Variants in COL23A1 observed in about 807,000 individuals in gnomAD.
COL23A1 encodes the protein collagen alpha-1(XXIII) chain.
COL23A1 carries 97 observed loss-of-function variants against 99.3 expected under a neutral mutation model. The ratio of observed to expected loss-of-function variants is 0.98; its 90% confidence interval spans 0.83 to 1.16. The LOEUF is 1.16. COL23A1 is among the 50% of genes most tolerant of loss of function. The pLI, the probability that COL23A1 is intolerant of heterozygous loss-of-function variation, is 0.00. For missense variants in COL23A1, 762 were observed against 757.4 expected (o/e 1.01, Z -0.07); for synonymous variants, 320 against 308.2 (o/e 1.04, Z -0.40).
intron 2 of COL23A1, among the ~76,000 whole-genome samples, chr5:178,481,131 C>CAAAAA (rs10625763): frequency 7.6e-4 from 78 of 102,050 alleles, no homozygotes; most frequent in Middle Eastern, 5.3e-3. Context: ...GACTGTCTCT[C>CAAAAA]AAAAAAAAAA....
rs1384408301 is a variant in COL23A1, at chr5:178,468,115, T to TG, written c.361+92566dup. ...GAGTGGTTTCCATAGCTGGAAAAGA[T>TG]GGTGAGAAATCTGAGTGCCAGAAAG... On this transcript the variant is annotated intron_variant, in intron 2 of 28. Coordinates refer to ENST00000390654, the MANE Select transcript of COL23A1 (RefSeq NM_173465.4). This position sits in a 1 kb window ranked among gnomAD's most constrained non-coding sequence, Gnocchi z 4.2. 6.6e-6 allele frequency among the ~76,000 whole-genome samples: 1 copy of TG among 152,070 alleles called. No individual in the cohort carries two copies. The highest frequency in any genetic ancestry group is 6.5e-5 in the Admixed American group (1 of 15,276).
At chr5:178,323,285 C>T (rs1759449136) in intron 2 of COL23A1, among the ~76,000 whole-genome samples, 1 of 152,162 alleles carries the variant, frequency 6.6e-6, no homozygotes, top group Admixed American at 6.5e-5. Flanking sequence ...TGGTCCTGAG[C>T]TCTTGCCCTT....
intron 2 of COL23A1, among the ~76,000 whole-genome samples, chr5:178,517,802 C>T (rs1196403050): frequency 3.1e-4 from 46 of 149,962 alleles, no homozygotes; most frequent in East Asian, 2.0e-4. Context: ...CCTCGTGATC[C>T]GCCCGCCTCA....
At position 178,468,514 on chromosome 5, in the gene COL23A1, C is replaced by T. The variant is rs1455872370; in HGVS notation, c.361+92168G>A. On this transcript the variant is annotated intron_variant, in intron 2 of 28. Transcript: ENST00000390654. This position sits in a 1 kb window ranked among gnomAD's most constrained non-coding sequence, Gnocchi z 4.2. The stretch of plus-strand genomic sequence containing the variant: ...TTATTTCGTTTCATCCTCACCCTGC[C>T]TCCCTCATCTGCTCACACCCAGGCC... 1.3e-5 allele frequency among the ~76,000 whole-genome samples: 2 copies of T among 152,130 alleles called. No individual in the cohort carries two copies. Among genetic ancestry groups the T allele is most frequent in the African/African-American group, 4.8e-5 (2 of 41,432 alleles).
chr5:178,435,971 G>A (rs981998653), intron 2 of COL23A1, among the ~76,000 whole-genome samples: 2 of 152,178 alleles, frequency 1.3e-5, no homozygotes, highest in Non-Finnish European at 2.9e-5. Context: ...GCCACACAGC[G>A]GTCATTACAA....
At chr5:178,266,215 A>G (rs1755887898) in intron 8 of COL23A1, among the ~76,000 whole-genome samples, 1 of 151,880 alleles carries the variant, frequency 6.6e-6, no homozygotes. Context: ...TAATTTTTGT[A>G]TTTTTAGTAG....
intron 14 of COL23A1, 52 bp downstream of exon 14, chr5:178,256,814 T>G: frequency 6.4e-7 from 1 of 1,553,864 alleles, no homozygotes; most frequent in Non-Finnish European, 8.8e-7. Context: ...CCCGACTGGG[T>G]GGAGGTCTGA....
chr5:178,580,309 C>G (rs1045768474), intron 1 of COL23A1, among the ~76,000 whole-genome samples: 2 of 149,104 alleles, frequency 1.3e-5, no homozygotes, highest in Non-Finnish European at 3.0e-5. Context: ...GCCTGGGCAA[C>G]AGACTGAGAC....
At chr5:178,321,824 G>A (rs985371728) in intron 2 of COL23A1, among the ~76,000 whole-genome samples, 3 of 149,920 alleles carry the variant, frequency 2.0e-5, no homozygotes, top group African/African-American at 7.4e-5. Context: ...ATCATACTCT[G>A]TTGCATGGAT....
chr5:178,315,372 G>A (rs963475631), intron 2 of COL23A1, among the ~76,000 whole-genome samples: 1 of 152,138 alleles, frequency 6.6e-6, no homozygotes, highest in Non-Finnish European at 1.5e-5. Context: ...CACGTGCTGG[G>A]GGCTTTTACC....
chr5:178,494,579 G>A (rs1406092660), intron 2 of COL23A1, among the ~76,000 whole-genome samples: 2 of 152,190 alleles, frequency 1.3e-5, no homozygotes, highest in East Asian at 3.9e-4. Flanking sequence ...GGAGGCTGAG[G>A]CAGAAGAATC....
intron 6 of COL23A1, among the ~76,000 whole-genome samples, chr5:178,269,745 C>T (rs1465832148): frequency 1.3e-5 from 2 of 150,670 alleles, no homozygotes; most frequent in Non-Finnish European, 3.0e-5. Context: ...ACCTACCCAT[C>T]CACTATCCAT....
chr5:178,358,162 GTCTAA>G (rs1761860565), intron 2 of COL23A1, among the ~76,000 whole-genome samples: 1 of 149,478 alleles, frequency 6.7e-6, no homozygotes. Context: ...ATGTGTGTAT[GTCTAA>G]TGTGTATGTG....
intron 3 of COL23A1, among the ~76,000 whole-genome samples, chr5:178,292,922 G>A (rs929960167): frequency 3.3e-5 from 5 of 152,248 alleles, no homozygotes; most frequent in South Asian, 2.1e-4. Context: ...GGGAGTGATC[G>A]CCTGTGCACA....
rs1763569887 is a variant in COL23A1 at position 178,384,611 on chromosome 5, T to G, written c.362-77692A>C. On this transcript the variant is annotated intron_variant, in intron 2 of 28. Transcript: ENST00000390654. This position sits in a 1 kb window ranked among gnomAD's most constrained non-coding sequence, Gnocchi z 5.5. ...CTGCTCCTGCCTCAGAGATCACGGT[T>G]TGACATGGGAAACCAAGGCTCAGAG... Among the ~76,000 whole-genome samples, 1 of 152,166 alleles carries G rather than the reference T, an allele frequency of 6.6e-6. No individual in the cohort carries two copies. Among genetic ancestry groups the G allele is most frequent in the Admixed American group, 6.5e-5 (1 of 15,282 alleles).
intron 2 of COL23A1, among the ~76,000 whole-genome samples, chr5:178,416,905 C>A (rs960390272): frequency 3.3e-5 from 5 of 152,144 alleles, no homozygotes; most frequent in African/African-American, 9.7e-5. Flanking sequence ...GCAAAGCCTC[C>A]GGTTCAGGCC....
intron 1 of COL23A1, among the ~76,000 whole-genome samples, chr5:178,583,724 T>C (rs1047410906): frequency 1.3e-5 from 2 of 152,156 alleles, no homozygotes; most frequent in South Asian, 4.1e-4. Context: ...CCTGGCACTT[T>C]ATGGGGAGAG....
intron 2 of COL23A1, among the ~76,000 whole-genome samples, chr5:178,380,375 G>T (rs58651295): frequency 2.0e-5 from 3 of 149,928 alleles, no homozygotes; most frequent in Admixed American, 1.3e-4. Flanking sequence ...CTTATCCTTG[G>T]ATTTCTAGAG....
intron 2 of COL23A1, among the ~76,000 whole-genome samples, chr5:178,421,645 G>C (rs1765637643): frequency 1.3e-5 from 2 of 152,156 alleles, no homozygotes; most frequent in South Asian, 4.1e-4. Context: ...GAGGCAGGCA[G>C]ATCACCGGAG....
Sources: gnomAD v4.1 joint callset for allele counts (sites outside exome capture counted in the v4.1 genomes callset) on GRCh38, gnomAD v4.1.1 for gene constraint, Gnocchi (gnomAD v3.1) non-coding constraint, MANE v1.5 for transcripts, NCBI Gene and HGNC (gene_info 2026-07-23, HGNC 2026-07-21) for gene names.